The following FMR1NB variants were observed in gnomAD, a reference collection of about 807,000 sequenced individuals.
The protein encoded by FMR1NB is FMR1 neighbor.
Under a neutral mutation model 16.8 loss-of-function variants are expected in FMR1NB, and 10 were observed. That is an observed-to-expected ratio of 0.60 (90% CI 0.37 to 1.01). FMR1NB has a LOEUF of 1.01. Ranked by LOEUF, FMR1NB falls within the 50% of genes least tolerant of loss-of-function variation. The pLI, the probability that FMR1NB is intolerant of heterozygous loss-of-function variation, is 0.01. For synonymous variants in FMR1NB, 83 were observed against 79.1 expected, an observed-to-expected ratio of 1.05 and a Z score of -0.26; for missense variants, 205 against 204.8, an observed-to-expected ratio of 1.00 and a Z score of 0.00.
chrX:148,003,146 T>C (rs2044579094), intron 1 of FMR1NB, 55 bp from the exon 2 acceptor site: 4 of 1,145,074 alleles, frequency 3.5e-6, no homozygotes, highest in Non-Finnish European at 4.7e-6. Context: ...TCAAGGGTCA[T>C]TGAAAGTGAT....
At chrX:147,983,259 C>G (rs1557186812) in intron 1 of FMR1NB, among the ~76,000 whole-genome samples, 1 of 111,920 alleles carries the variant, frequency 8.9e-6, no homozygotes, top group African/African-American at 3.3e-5. Flanking sequence ...TTTGAATTCT[C>G]TAGGAGTAGA....
chrX:148,000,727 T>G (rs1285199526), intron 1 of FMR1NB, among the ~76,000 whole-genome samples: 1 of 111,741 alleles, frequency 8.9e-6, no homozygotes, highest in Non-Finnish European at 1.9e-5. Flanking sequence ...AAATACATCC[T>G]TAATTTAATA....
chrX:148,006,335 A>G (rs1557189089), intron 2 of FMR1NB, among the ~76,000 whole-genome samples: 1 of 111,864 alleles, frequency 8.9e-6, no homozygotes, highest in Admixed American at 9.6e-5. Flanking sequence ...AAGCCGGAGG[A>G]TATATGTGGG....
chrX:148,007,903 A>G (rs1378526581), intron 3 of FMR1NB, among the ~76,000 whole-genome samples: 1 of 112,158 alleles, frequency 8.9e-6, no homozygotes, highest in African/African-American at 3.2e-5. Context: ...GTTATTTGTA[A>G]TTCATTTATC....
intron 1 of FMR1NB, among the ~76,000 whole-genome samples, chrX:147,994,939 C>T (rs1185677487): frequency 8.9e-6 from 1 of 112,023 alleles, no homozygotes; most frequent in East Asian, 2.8e-4. Context: ...AACCCCAATA[C>T]CTTATTTGTG....
At chrX:147,990,785 T>A (rs1249860509) in intron 1 of FMR1NB, among the ~76,000 whole-genome samples, 12 of 111,278 alleles carry the variant, frequency 1.1e-4, no homozygotes, top group African/African-American at 3.9e-4. Context: ...CTTTCCCTTC[T>A]TTCAGAAATG....
intron 4 of FMR1NB, among the ~76,000 whole-genome samples, chrX:148,011,599 G>A (rs2044625434): frequency 9.0e-6 from 1 of 111,481 alleles, no homozygotes; most frequent in African/African-American, 3.3e-5. Context: ...ACTTACAAAA[G>A]TTTTGAAGCA....
chrX:147,998,385 A>G (rs376294988), intron 1 of FMR1NB, among the ~76,000 whole-genome samples: 1 of 103,396 alleles, frequency 9.7e-6, no homozygotes, highest in East Asian at 2.8e-4. Context: ...GTTCTCACAC[A>G]TAAGTGGGAG....
chrX:148,005,493 G>A lies in FMR1NB; in HGVS notation c.398-1209G>A, dbSNP rs2044591933. On this transcript the variant is annotated intron_variant, in intron 2 of 5. Coordinates refer to ENST00000370467, the MANE Select transcript of FMR1NB (RefSeq NM_152578.3). ...GAGAAGAGCCGCTCTGGGCCTAGCA[G>A]AATTGAAGAACAGATTACTTAGAAT... is the stretch of plus-strand genomic sequence containing the variant. Among the ~76,000 whole-genome samples the A allele has an allele frequency of 2.7e-5, 3 of 111,587 alleles. No individual in the cohort carries two copies. The South Asian group carries it at 1.1e-3, about 42-fold the overall frequency.
At chrX:148,020,632 C>T (rs782742945) in intron 4 of FMR1NB, among the ~76,000 whole-genome samples, 1 of 111,560 alleles carries the variant, frequency 9.0e-6, no homozygotes, top group Admixed American at 9.5e-5. Flanking sequence ...GGATCCTTCC[C>T]TTTAAGGCAG....
chrX:147,999,264 T>C (rs2044559014), intron 1 of FMR1NB, among the ~76,000 whole-genome samples: 1 of 111,892 alleles, frequency 8.9e-6, no homozygotes, highest in African/African-American at 3.2e-5. Flanking sequence ...CTCAGTGTGC[T>C]ACTGTCAGCC....
chrX:148,017,643 G>A (rs1421241901), intron 4 of FMR1NB, among the ~76,000 whole-genome samples: 17 of 106,611 alleles, frequency 1.6e-4, no homozygotes, highest in Admixed American at 3.0e-4. Flanking sequence ...CCATGCTGGT[G>A]CGCTGCACCC....
At chrX:147,991,480 C>T (rs189074699) in intron 1 of FMR1NB, among the ~76,000 whole-genome samples, 124 of 109,521 alleles carry the variant, frequency 1.1e-3, no homozygotes, top group African/African-American at 4.0e-3. Flanking sequence ...TCACAAAGAC[C>T]TAATCTTCTT....
intron 1 of FMR1NB, among the ~76,000 whole-genome samples, chrX:147,984,841 A>G (rs782347140): frequency 4.9e-4 from 55 of 112,169 alleles, no homozygotes; most frequent in Admixed American, 9.5e-4. Context: ...TCAGCTCTTC[A>G]TCATGTTAAG....
chrX:147,993,651 C>T (rs1221075120), intron 1 of FMR1NB, among the ~76,000 whole-genome samples: 1 of 109,615 alleles, frequency 9.1e-6, no homozygotes, highest in Non-Finnish European at 1.9e-5. Flanking sequence ...ATCATCCTCT[C>T]CCTCTCTAAG....
At chrX:147,995,595 G>A (rs782125561) in intron 1 of FMR1NB, among the ~76,000 whole-genome samples, 1 of 112,394 alleles carries the variant, frequency 8.9e-6, no homozygotes, top group East Asian at 2.8e-4. Flanking sequence ...AACCTATTCA[G>A]TCAGTCCTAA....
intron 1 of FMR1NB, among the ~76,000 whole-genome samples, chrX:147,991,082 C>G (rs1280995663): frequency 9.0e-6 from 1 of 111,127 alleles, no homozygotes; most frequent in Non-Finnish European, 1.9e-5. Flanking sequence ...CCCGCATGTT[C>G]ACTCACAAAT....
chrX:148,009,878 G>A (rs1042089293), intron 4 of FMR1NB, among the ~76,000 whole-genome samples: 2 of 112,088 alleles, frequency 1.8e-5, no homozygotes, highest in Non-Finnish European at 3.8e-5. Context: ...GGCAGTAGGA[G>A]TGGAATTTTT....
At chrX:147,985,388 T>A (rs1042646228) in intron 1 of FMR1NB, among the ~76,000 whole-genome samples, 1 of 111,581 alleles carries the variant, frequency 9.0e-6, no homozygotes. Flanking sequence ...CAGGTATACA[T>A]GTGCCATGGT....
Sources: allele counts gnomAD v4.1 joint callset (sites outside exome capture counted in the v4.1 genomes callset), GRCh38; gene constraint gnomAD v4.1.1; transcripts MANE v1.5; gene names NCBI Gene and HGNC (gene_info 2026-07-23, HGNC 2026-07-21).